The following OR1B1 variants were observed in gnomAD, a reference collection of about 807,000 sequenced individuals.
OR1B1 encodes olfactory receptor 1B1.
For missense variants in OR1B1, 414 were observed against 402.1 expected (o/e 1.03, Z -0.25); for synonymous variants, 168 against 156.2 (o/e 1.08, Z -0.57).
chr9:122,646,771 A>T, the OR1B1 span, among the ~76,000 whole-genome samples: 1 of 152,132 alleles, frequency 6.6e-6, no homozygotes, highest in Non-Finnish European at 1.5e-5. Flanking sequence ...TCAACACCCT[A>T]TTTTCAGCAC....
chr9:122,632,215 C>A (rs1401250711), upstream of OR1B1, among the ~76,000 whole-genome samples: 1 of 151,870 alleles, frequency 6.6e-6, no homozygotes, highest in Non-Finnish European at 1.5e-5. Context: ...ATAAAATTAA[C>A]CAATCTGTTA....
chr9:122,628,957 GGCTC>G lies in OR1B1; in HGVS notation c.575_578del (p.Arg192ProfsTer90). Reference sequence around the variant, plus strand: ...CATTAGAATGTATGTCAGAACAAGAGGCTCGCAGAAGTGGCCGGTGGTCACAAAA... The same window carrying G: ...CATTAGAATGTATGTCAGAACAAGAGGCAGAAGTGGCCGGTGGTCACAAAA... On this transcript the variant is annotated frameshift_variant, in exon 1 of 1. Transcript: ENST00000623530. LOFTEE classifies it low-confidence loss of function (END_TRUNC). 6.2e-7 allele frequency: 1 copy of G among 1,614,120 alleles called. No homozygotes were observed. Among genetic ancestry groups the G allele is most frequent in the Non-Finnish European group, 8.5e-7 (1 of 1,179,996 alleles).
chr9:122,638,120 G>A, the OR1B1 span, among the ~76,000 whole-genome samples: 1 of 152,160 alleles, frequency 6.6e-6, no homozygotes, highest in Non-Finnish European at 1.5e-5. Context: ...ACATGCAAGA[G>A]AATTCTGTCA....
upstream of OR1B1, among the ~76,000 whole-genome samples, chr9:122,633,671 T>C (rs1490806149): frequency 6.6e-6 from 1 of 152,186 alleles, no homozygotes; most frequent in Non-Finnish European, 1.5e-5. Context: ...GGCTCATGCC[T>C]GTAATCCCAG....
the OR1B1 span, among the ~76,000 whole-genome samples, chr9:122,656,304 G>T: frequency 5.3e-5 from 8 of 152,284 alleles, no homozygotes; most frequent in South Asian, 1.7e-3. Flanking sequence ...ATTATTATCT[G>T]CTATGGTTTT....
downstream of OR1B1, chr9:122,628,473 T>TTAAG: frequency 1.4e-6 from 1 of 722,842 alleles, no homozygotes. Context: ...CTGGAGTTCC[T>TTAAG]TAAGTTATCT....
the OR1B1 span, among the ~76,000 whole-genome samples, chr9:122,641,785 C>T: frequency 2.0e-5 from 3 of 152,078 alleles, no homozygotes; most frequent in Admixed American, 6.6e-5. Context: ...AGATAATGCA[C>T]GTGTTAATTA....
downstream of OR1B1, chr9:122,628,536 C>A (rs747662807): frequency 1.5e-6 from 2 of 1,323,198 alleles, no homozygotes; most frequent in Non-Finnish European, 2.1e-6. Context: ...AGAATATGCC[C>A]ATGACTTTTC....
At chr9:122,642,739 C>T in the OR1B1 span, among the ~76,000 whole-genome samples, 11 of 152,254 alleles carry the variant, frequency 7.2e-5, no homozygotes, top group South Asian at 2.1e-3. Context: ...ACAGTCATCA[C>T]TTTATCTTCT....
the OR1B1 span, among the ~76,000 whole-genome samples, chr9:122,639,197 T>C: frequency 3.3e-5 from 5 of 152,312 alleles, no homozygotes; most frequent in Admixed American, 6.5e-5. Flanking sequence ...ATCTTCTTAC[T>C]CTTCTTAACA....
At chr9:122,629,418 T>A in exon 1 of OR1B1, 1 of 1,613,752 alleles carries the variant, frequency 6.2e-7, no homozygotes, top group African/African-American at 1.3e-5. Flanking sequence ...CCCAGTATGG[T>A]GGTCAGGTAA....
chr9:122,637,944 T>C, the OR1B1 span, among the ~76,000 whole-genome samples: 6 of 152,186 alleles, frequency 3.9e-5, no homozygotes. Flanking sequence ...TTAAATATAG[T>C]GCTATAACTC....
At chr9:122,644,898 A>G in the OR1B1 span, among the ~76,000 whole-genome samples, 1 of 152,196 alleles carries the variant, frequency 6.6e-6, no homozygotes, top group Non-Finnish European at 1.5e-5. Context: ...AACATCTACA[A>G]GCATCAACGT....
chr9:122,631,651 T>C (rs1830204748), upstream of OR1B1, among the ~76,000 whole-genome samples: 1 of 152,222 alleles, frequency 6.6e-6, no homozygotes, highest in East Asian at 1.9e-4. Flanking sequence ...TCAGTCTTCA[T>C]AGTCCACAGG....
At chr9:122,643,955 C>T in the OR1B1 span, among the ~76,000 whole-genome samples, 1 of 152,158 alleles carries the variant, frequency 6.6e-6, no homozygotes, top group Non-Finnish European at 1.5e-5. Context: ...CAAGCACCAG[C>T]AATACCCAGG....
the OR1B1 span, among the ~76,000 whole-genome samples, chr9:122,635,988 C>G: frequency 1.3e-5 from 2 of 152,126 alleles, no homozygotes; most frequent in Non-Finnish European, 2.9e-5. Context: ...TTCTATATCC[C>G]TTTAAACTAT....
chr9:122,640,333 C>A, the OR1B1 span, among the ~76,000 whole-genome samples: 2 of 152,082 alleles, frequency 1.3e-5, no homozygotes, highest in Non-Finnish European at 2.9e-5. Flanking sequence ...TCCCCAAGAA[C>A]AAACCAGAAG....
chr9:122,636,539 C>T, the OR1B1 span, among the ~76,000 whole-genome samples: 1 of 152,242 alleles, frequency 6.6e-6, no homozygotes, highest in South Asian at 2.1e-4. Flanking sequence ...ATGCTTGAAC[C>T]CAGAAGGCAG....
the OR1B1 span, among the ~76,000 whole-genome samples, chr9:122,649,092 C>CGCCACACATCTACAACCATCTGACCT: frequency 6.6e-6 from 1 of 151,978 alleles, no homozygotes. Context: ...TCAGAAATAA[C>CGCCACACATCTACAACCATCTGACCT]GCCACACATC....
Sources: gnomAD v4.1 joint callset for allele counts (sites outside exome capture counted in the v4.1 genomes callset) on GRCh38, gnomAD v4.1.1 for gene constraint, MANE v1.5 for transcripts, NCBI Gene and HGNC (gene_info 2026-07-23, HGNC 2026-07-21) for gene names.